Variants in CDH3 observed in about 807,000 individuals in gnomAD.
The protein encoded by CDH3 is cadherin-3.
Under a neutral mutation model 82.0 loss-of-function variants are expected in CDH3, and 54 were observed. The observed-to-expected ratio is 0.66, with a 90% CI of 0.53 to 0.83. The LOEUF (loss-of-function observed/expected upper bound fraction) is 0.83. Among genes scored for constraint, CDH3 ranks in the 40% least tolerant of loss-of-function variants. The pLI is 0.00. For synonymous variants in CDH3, 446 were observed against 437.9 expected (o/e 1.02, Z -0.23); for missense variants, 1,054 against 1,084.6 (o/e 0.97, Z 0.40).
chr16:68,700,475 T>C (rs1961874680), downstream of CDH3, among the ~76,000 whole-genome samples: 2 of 152,202 alleles, frequency 1.3e-5, no homozygotes, highest in Admixed American at 6.5e-5. Context: ...CCAAGGAGCC[T>C]GAAGCCTCAG....
downstream of CDH3, among the ~76,000 whole-genome samples, chr16:68,703,996 G>A (rs1961928598): frequency 6.6e-6 from 1 of 151,714 alleles, no homozygotes; most frequent in South Asian, 2.1e-4. Context: ...GAGTAAAAGA[G>A]TTAATATTGG....
downstream of CDH3, among the ~76,000 whole-genome samples, chr16:68,702,104 G>C (rs1961904501): frequency 6.6e-6 from 1 of 151,782 alleles, no homozygotes; most frequent in Admixed American, 6.6e-5. Context: ...GGCCAGGCTG[G>C]TCTCGAACTT....
At chr16:68,709,599 T>C (rs1186220759) in intron 1 of CDH3, among the ~76,000 whole-genome samples, 1 of 152,100 alleles carries the variant, frequency 6.6e-6, no homozygotes, top group African/African-American at 2.4e-5. Flanking sequence ...GCTGGGATTG[T>C]AGGCGCCCTC....
intron 15 of CDH3, among the ~76,000 whole-genome samples, chr16:68,697,611 C>T (rs189006046): frequency 1.3e-5 from 2 of 152,270 alleles, no homozygotes; most frequent in East Asian, 3.9e-4. Flanking sequence ...TATAATTGAA[C>T]TGGGTGTGGC....
At chr16:68,694,613 A>ACT (rs1961659775) in intron 13 of CDH3, among the ~76,000 whole-genome samples, 2 of 86,322 alleles carry the variant, frequency 2.3e-5, no homozygotes, top group Admixed American at 1.3e-4. Flanking sequence ...CAAGAGTGAG[A>ACT]CTCTGTCTCA....
intron 2 of CDH3, chr16:68,651,021 G>A: frequency 2.6e-6 from 1 of 383,684 alleles, no homozygotes. Flanking sequence ...GAGCGTGCTG[G>A]GAGCCTTAGT....
intron 13 of CDH3, among the ~76,000 whole-genome samples, chr16:68,693,426 G>T (rs1294415815): frequency 6.6e-6 from 1 of 152,132 alleles, no homozygotes; most frequent in Non-Finnish European, 1.5e-5. Context: ...TCAAGGTAGA[G>T]TCCCTTCAGA....
chr16:68,701,994 A>G (rs901589809), downstream of CDH3, among the ~76,000 whole-genome samples: 1 of 152,004 alleles, frequency 6.6e-6, no homozygotes, highest in African/African-American at 2.4e-5. Flanking sequence ...ATTGCACTCC[A>G]GCCTGGGCAA....
chr16:68,680,850 T>A, intron 7 of CDH3, 118 bp from the exon 8 acceptor site: 2 of 1,151,258 alleles, frequency 1.7e-6, no homozygotes, highest in South Asian at 1.2e-5. Context: ...GTCAGCGTTA[T>A]GATAGGGAGA....
At chr16:68,704,550 A>G (rs1211266050), downstream of CDH3, among the ~76,000 whole-genome samples, 1 of 152,190 alleles carries the variant, frequency 6.6e-6, no homozygotes, top group Non-Finnish European at 1.5e-5. Context: ...CCACCACCAC[A>G]GCGCATAGAA....
At chr16:68,660,913 C>T (rs1242493754) in intron 2 of CDH3, among the ~76,000 whole-genome samples, 1 of 150,272 alleles carries the variant, frequency 6.7e-6, no homozygotes, top group Non-Finnish European at 1.5e-5. Context: ...GAGCCGAGAT[C>T]CCGCCACTGC....
chr16:68,721,992 G>C (rs1962170433), intron 1 of CDH3, among the ~76,000 whole-genome samples: 1 of 152,144 alleles, frequency 6.6e-6, no homozygotes, highest in Non-Finnish European at 1.5e-5. Flanking sequence ...AGGAGACTGA[G>C]GCAGGAGAAT....
chr16:68,663,195 C>T (rs1222153336), intron 2 of CDH3, among the ~76,000 whole-genome samples: 1 of 147,818 alleles, frequency 6.8e-6, no homozygotes, highest in African/African-American at 2.5e-5. Flanking sequence ...GGAACAAAGG[C>T]ATATCACTGA....
intron 1 of CDH3, among the ~76,000 whole-genome samples, chr16:68,716,749 G>A (rs1217669259): frequency 6.6e-6 from 1 of 152,010 alleles, no homozygotes; most frequent in African/African-American, 2.4e-5. Flanking sequence ...TTGGAGACAG[G>A]ATCTCACTCT....
chr16:68,725,405 C>G (rs976495333), intron 2 of CDH3, among the ~76,000 whole-genome samples: 1 of 151,956 alleles, frequency 6.6e-6, no homozygotes, highest in Admixed American at 6.6e-5. Context: ...CCGATCTCGG[C>G]TCACTGCAAG....
At chr16:68,710,683 A>C (rs1256729455) in intron 1 of CDH3, among the ~76,000 whole-genome samples, 1 of 151,318 alleles carries the variant, frequency 6.6e-6, no homozygotes. Flanking sequence ...GTCTCTACTA[A>C]AAATACAAAA....
At chr16:68,666,602 C>G (rs1334126055) in intron 2 of CDH3, among the ~76,000 whole-genome samples, 4 of 152,176 alleles carry the variant, frequency 2.6e-5, no homozygotes, top group Non-Finnish European at 5.9e-5. Flanking sequence ...TCTTGGTTTT[C>G]TTGTGCGTGG....
chr16:68,683,651 CAAAAAAAAAAAAAA>C (rs1199101103), intron 9 of CDH3, among the ~76,000 whole-genome samples: 765 of 69,858 alleles, frequency 0.011, 38 homozygotes, highest in African/African-American at 0.042. Flanking sequence ...GACTCTGTCT[CAAAAAAAAAAAAAA>C]AAAAAAAAAA....
In CDH3 at chr16:68,671,155, CTT is replaced by C. The variant is rs777512178; in HGVS notation, c.161-5214_161-5213del. ...AGGGGAGGGATTTTAGATTGATGTACTTTTTTTTTTTTTTTTTAAGAGACAGG... is the reference window on the plus strand; with the variant it reads ...AGGGGAGGGATTTTAGATTGATGTACTTTTTTTTTTTTTTTAAGAGACAGG... On this transcript the variant is annotated intron_variant, in intron 2 of 15. Coordinates refer to ENST00000264012, the MANE Select transcript of CDH3 (RefSeq NM_001793.6). 4.1e-3 allele frequency among the ~76,000 whole-genome samples: 568 copies of C among 139,296 alleles called. 5 individuals carry two copies. The highest frequency in any genetic ancestry group is 0.012 in the African/African-American group (469 of 38,362). The allele number at this position is 139,296 out of a possible 152,430, so 91.4% of individuals were successfully genotyped here. A position where few individuals can be genotyped will look rare whatever the true frequency, so the allele number is the denominator to read the frequency against.
Sources: allele counts gnomAD v4.1 joint callset (sites outside exome capture counted in the v4.1 genomes callset), GRCh38; gene constraint gnomAD v4.1.1; transcripts MANE v1.5; gene names NCBI Gene and HGNC (gene_info 2026-07-23, HGNC 2026-07-21).